STS: variants seen among roughly 807,000 people sequenced by gnomAD.
STS encodes the protein steryl-sulfatase.
A neutral mutation model predicts 26.8 loss-of-function variants in STS; 7 were observed. The observed-to-expected ratio is 0.26, with a 90% CI of 0.15 to 0.49. The LOEUF (loss-of-function observed/expected upper bound fraction) is 0.49. Ranked by LOEUF, STS falls within the 20% of genes least tolerant of loss-of-function variation. The probability of loss-of-function intolerance (pLI) is 0.98; values close to 1 mark genes in which losing one functional copy is unlikely to be tolerated. For synonymous variants in STS, 199 were observed against 189.4 expected (o/e 1.05, Z -0.42); for missense variants, 434 against 465.6 (o/e 0.93, Z 0.63).
chrX:7,168,632 C>T (rs772316943), intron 1 of STS, among the ~76,000 whole-genome samples: 1 of 111,546 alleles, frequency 9.0e-6, no homozygotes, highest in South Asian at 3.8e-4. Flanking sequence ...CTCTGCTGCC[C>T]TGGGTGGTGG....
At chrX:7,215,707 G>A (rs1272225034) in intron 2 of STS, among the ~76,000 whole-genome samples, 1 of 111,178 alleles carries the variant, frequency 9.0e-6, no homozygotes, top group Non-Finnish European at 1.9e-5. Context: ...ACAAGGTTGG[G>A]GTTTTCATCT....
intron 1 of STS, among the ~76,000 whole-genome samples, chrX:7,179,712 A>G (rs1301303401): frequency 2.7e-5 from 3 of 111,905 alleles, no homozygotes; most frequent in African/African-American, 6.5e-5. Context: ...CAAAATACTG[A>G]CTCTAAGAAC....
intron 1 of STS, chrX:7,148,297 G>C: frequency 3.7e-6 from 1 of 269,278 alleles, no homozygotes; most frequent in East Asian, 5.9e-5. Context: ...CCGCGCACGC[G>C]CACCTTGGGC....
Position 7,269,152 on chromosome X carries a change from G to GA in STS, c.807-6788dup, listed in dbSNP as rs796221983. ...CACAACAGAGCAAGACCCTGTCTCT[G>GA]AAAAAAAAAAAGGAGGGGAGGGCTT... On this transcript the variant is annotated intron_variant, in intron 6 of 10. Transcript: ENST00000674429. 6.3e-3 allele frequency among the ~76,000 whole-genome samples: 571 copies of GA among 90,646 alleles called. 4 individuals are homozygous for GA. Among genetic ancestry groups the GA allele is most frequent in the Non-Finnish European group, 9.7e-3 (442 of 45,743 alleles). The allele number at this position is 90,646 out of a possible 115,157, so 78.7% of individuals were successfully genotyped here.
chrX:7,232,154 C>T (rs1033630389), intron 2 of STS, among the ~76,000 whole-genome samples: 2 of 111,364 alleles, frequency 1.8e-5, no homozygotes, highest in Non-Finnish European at 3.8e-5. Context: ...GAAAACTTGA[C>T]CACATCTGGG....
intron 7 of STS, among the ~76,000 whole-genome samples, chrX:7,279,901 A>C (rs1924776978): frequency 9.0e-6 from 1 of 111,455 alleles, no homozygotes; most frequent in African/African-American, 3.3e-5. Context: ...TGATGTTCTC[A>C]TCATTCGCAT....
At chrX:7,211,820 T>C (rs1277642222) in intron 2 of STS, among the ~76,000 whole-genome samples, 2 of 111,851 alleles carry the variant, frequency 1.8e-5, no homozygotes, top group Non-Finnish European at 3.8e-5. Context: ...CTATCTTTCT[T>C]TATTTTTTAA....
At chrX:7,333,852 C>T in intron 9 of STS, 134 bp from the exon 10 acceptor site, 1 of 868,621 alleles carries the variant, frequency 1.2e-6, no homozygotes. Flanking sequence ...GTGTGTTGCA[C>T]AGGGCACCCA....
intron 1 of STS, among the ~76,000 whole-genome samples, chrX:7,162,593 A>G (rs1044955836): frequency 3.9e-4 from 43 of 110,120 alleles, no homozygotes; most frequent in African/African-American, 1.2e-3. Flanking sequence ...CCACGGAGGC[A>G]CTGTTGGTAC....
chrX:7,190,953 T>A lies in STS; in HGVS notation c.-60T>A. 1 of 751,371 alleles carries A rather than the reference T, an allele frequency of 1.3e-6. No individual in the cohort carries two copies. The highest frequency in any genetic ancestry group is 1.6e-6 in the Non-Finnish European group (1 of 636,996). 61.9% of individuals were successfully genotyped at this position (751,371 alleles called of 1,213,427 possible). On this transcript the variant is annotated 5_prime_UTR_variant, in exon 2 of 11. Coordinates refer to ENST00000674429, the MANE Select transcript of STS (RefSeq NM_001320752.2). ...CTGAACCTGCACACAGTCATCTCAGTAAGTTAAGATCTTCCTGAGGACAAT... is the reference window on the plus strand; with the variant it reads ...CTGAACCTGCACACAGTCATCTCAGAAAGTTAAGATCTTCCTGAGGACAAT...
At chrX:7,177,334 A>G (rs1454919745) in intron 1 of STS, among the ~76,000 whole-genome samples, 2 of 111,243 alleles carry the variant, frequency 1.8e-5, no homozygotes, top group Non-Finnish European at 3.8e-5. Flanking sequence ...TTGTGAAAAT[A>G]AAATCATAGT....
chrX:7,306,295 T>C (rs1243205815), intron 8 of STS, among the ~76,000 whole-genome samples: 3 of 111,145 alleles, frequency 2.7e-5, no homozygotes, highest in African/African-American at 6.5e-5. Flanking sequence ...TAAAGTGATA[T>C]GATACCTAAA....
chrX:7,271,933 T>C (rs1924292374), intron 6 of STS, among the ~76,000 whole-genome samples: 1 of 109,960 alleles, frequency 9.1e-6, no homozygotes, highest in African/African-American at 3.3e-5. Flanking sequence ...TAACCCAAAG[T>C]GTGCTGTTTT....
intron 6 of STS, among the ~76,000 whole-genome samples, chrX:7,264,283 C>T (rs1446716091): frequency 8.9e-6 from 1 of 112,247 alleles, no homozygotes. Context: ...TGAAGGATGT[C>T]GTGCAATTCC....
chrX:7,265,178 G>A (rs144460730), intron 6 of STS, among the ~76,000 whole-genome samples: 10 of 110,840 alleles, frequency 9.0e-5, no homozygotes, highest in Non-Finnish European at 1.9e-4. Flanking sequence ...AAGATGGAGC[G>A]GCGCTCTTGG....
intron 7 of STS, among the ~76,000 whole-genome samples, chrX:7,302,793 A>G (rs1390826032): frequency 9.0e-6 from 1 of 111,418 alleles, no homozygotes; most frequent in African/African-American, 3.3e-5. Flanking sequence ...CTGGCACTGC[A>G]GGGTGTGATC....
chrX:7,240,267 C>A (rs1477273484), intron 2 of STS, among the ~76,000 whole-genome samples: 2 of 108,417 alleles, frequency 1.8e-5, no homozygotes, highest in African/African-American at 6.7e-5. Context: ...CCTCCAGGCA[C>A]ATTTTGGAGG....
rs542941309 is a variant in STS, at chrX:7,208,039, G to C, written c.-5+17031G>C. On this transcript the variant is annotated intron_variant, in intron 2 of 10. Transcript: ENST00000674429. ...ATGTTATTGGAATCAACAACAAAGA[G>C]ACTGAAATGCTCATTTATCTATTAC... Among the ~76,000 whole-genome samples the C allele has an allele frequency of 7.5e-4, 84 of 112,286 alleles. 1 individual carries two copies. The highest frequency in any genetic ancestry group is 2.6e-3 in the African/African-American group (81 of 30,974).
At chrX:7,267,332 C>T (rs1924053780) in intron 6 of STS, among the ~76,000 whole-genome samples, 1 of 111,957 alleles carries the variant, frequency 8.9e-6, no homozygotes, top group African/African-American at 3.2e-5. Flanking sequence ...CTATGGTAAT[C>T]GAGAAGTACC....
Sources: allele counts gnomAD v4.1 joint callset (sites outside exome capture counted in the v4.1 genomes callset), GRCh38; gene constraint gnomAD v4.1.1; transcripts MANE v1.5; gene names NCBI Gene and HGNC (gene_info 2026-07-23, HGNC 2026-07-21).